The following BMPER variants were observed in gnomAD, a reference collection of about 807,000 sequenced individuals.
BMPER encodes the protein BMP binding endothelial regulator, also known as BMP-binding endothelial regulator protein.
Under a neutral mutation model 87.3 loss-of-function variants are expected in BMPER, and 45 were observed. The observed-to-expected ratio is 0.52, with a 90% CI of 0.41 to 0.66. The LOEUF is 0.66. Ranked by LOEUF, BMPER falls within the 30% of genes least tolerant of loss-of-function variation. The probability of loss-of-function intolerance (pLI) is 0.00; values close to 1 mark genes in which losing one functional copy is unlikely to be tolerated. For missense variants in BMPER, 784 were observed against 867.5 expected (o/e 0.90, Z 1.21); for synonymous variants, 326 against 316.2 (o/e 1.03, Z -0.33).
chr7:33,985,788 A>G (rs1417033553), intron 6 of BMPER, among the ~76,000 whole-genome samples: 1 of 151,618 alleles, frequency 6.6e-6, no homozygotes, highest in Non-Finnish European at 1.5e-5. Flanking sequence ...TTGGGTAGTT[A>G]AAGTATTATT....
chr7:34,051,812 G>C (rs773121657), intron 7 of BMPER, 49 bp from the exon 8 acceptor site: 1 of 1,473,774 alleles, frequency 6.8e-7, no homozygotes. Flanking sequence ...GACAAAATGG[G>C]ACATCCCCGA....
At chr7:34,142,755 T>A (rs1790905958) in intron 13 of BMPER, among the ~76,000 whole-genome samples, 1 of 152,236 alleles carries the variant, frequency 6.6e-6, no homozygotes, top group South Asian at 2.1e-4. Flanking sequence ...GTTACCATTT[T>A]TGGAAACATT....
At chr7:34,002,352 G>A (rs1487541602) in intron 6 of BMPER, among the ~76,000 whole-genome samples, 6 of 151,728 alleles carry the variant, frequency 4.0e-5, no homozygotes, top group African/African-American at 1.4e-4. Flanking sequence ...TAGGCTTTGG[G>A]TTATATGATT....
In BMPER at chr7:34,153,408, A is replaced by ATG; in HGVS notation, c.*136_*137insGT. On this transcript the variant is annotated 3_prime_UTR_variant, in exon 15 of 15. Coordinates refer to ENST00000649409, the MANE Select transcript of BMPER (RefSeq NM_001365308.1). ...ACAGAGTATATATGTGTATATATATATAGATATATTCAAAAACATTGCATC... is the reference window on the plus strand; with the variant it reads ...ACAGAGTATATATGTGTATATATATATGTAGATATATTCAAAAACATTGCATC... 1.2e-6 allele frequency: 1 copy of ATG among 819,132 alleles called. No individual in the cohort carries two copies. Among genetic ancestry groups the ATG allele is most frequent in the Non-Finnish European group, 2.0e-6 (1 of 511,526 alleles). 50.7% of individuals were successfully genotyped at this position (819,132 alleles called of 1,614,324 possible).
At chr7:33,979,552 T>C (rs1785790110) in intron 6 of BMPER, among the ~76,000 whole-genome samples, 2 of 152,130 alleles carry the variant, frequency 1.3e-5, no homozygotes, top group African/African-American at 4.8e-5. Flanking sequence ...TGTAGTACAC[T>C]GAGAAAGAGT....
chr7:34,072,215 A>T (rs1788753597), intron 11 of BMPER, among the ~76,000 whole-genome samples: 1 of 152,238 alleles, frequency 6.6e-6, no homozygotes, highest in Non-Finnish European at 1.5e-5. Flanking sequence ...CTGGCGTGGT[A>T]CTTGGCATAC....
At chr7:34,144,997 C>T (rs1017392330) in intron 14 of BMPER, among the ~76,000 whole-genome samples, 4 of 152,182 alleles carry the variant, frequency 2.6e-5, no homozygotes, top group Non-Finnish European at 4.4e-5. Context: ...ACAGACATTG[C>T]GTTCACTTAG....
At chr7:33,996,619 C>G (rs1786418780) in intron 6 of BMPER, among the ~76,000 whole-genome samples, 1 of 152,136 alleles carries the variant, frequency 6.6e-6, no homozygotes, top group South Asian at 2.1e-4. Flanking sequence ...TACCACCATT[C>G]TAGTAATATT....
At chr7:34,131,807 C>T (rs1790598134) in intron 13 of BMPER, among the ~76,000 whole-genome samples, 1 of 152,092 alleles carries the variant, frequency 6.6e-6, no homozygotes, top group African/African-American at 2.4e-5. Context: ...GGGATGGCAC[C>T]CTAGGGTGAT....
chr7:34,046,918 G>A (rs938831171), intron 7 of BMPER, among the ~76,000 whole-genome samples: 2 of 132,366 alleles, frequency 1.5e-5, no homozygotes, highest in African/African-American at 5.8e-5. Flanking sequence ...CACCATGCTA[G>A]GCACTTTATT....
intron 14 of BMPER, among the ~76,000 whole-genome samples, chr7:34,145,788 C>T (rs1313588830): frequency 1.3e-5 from 2 of 152,068 alleles, no homozygotes; most frequent in African/African-American, 4.8e-5. Flanking sequence ...TCTTCCTGGC[C>T]CAGAGCTATA....
At chr7:33,921,802 C>G (rs1562631380) in intron 2 of BMPER, 1 of 470,924 alleles carries the variant, frequency 2.1e-6, no homozygotes, top group Non-Finnish European at 4.4e-6. Flanking sequence ...ATGGAGCAAT[C>G]TGACACAAAA....
chr7:34,015,254 T>C (rs1177764713), intron 6 of BMPER, among the ~76,000 whole-genome samples: 3 of 151,978 alleles, frequency 2.0e-5, no homozygotes, highest in African/African-American at 7.2e-5. Context: ...TTGGACAAGT[T>C]ACTTAACTGC....
At chr7:34,053,880 A>G (rs1167101320) in intron 8 of BMPER, among the ~76,000 whole-genome samples, 1 of 152,156 alleles carries the variant, frequency 6.6e-6, no homozygotes, top group Non-Finnish European at 1.5e-5. Flanking sequence ...CTCAAGTGTC[A>G]ATTGTAGTTT....
chr7:33,999,219 G>C (rs1414404202), intron 6 of BMPER, among the ~76,000 whole-genome samples: 1 of 152,176 alleles, frequency 6.6e-6, no homozygotes, highest in Non-Finnish European at 1.5e-5. Context: ...CACTTTACCT[G>C]CCTGGGCACT....
intron 6 of BMPER, among the ~76,000 whole-genome samples, chr7:34,010,079 T>C (rs1786838135): frequency 6.6e-6 from 1 of 151,922 alleles, no homozygotes; most frequent in African/African-American, 2.4e-5. Flanking sequence ...CTCATACATC[T>C]TATAAACCAC....
intron 13 of BMPER, among the ~76,000 whole-genome samples, chr7:34,133,980 C>T (rs941257910): frequency 5.3e-5 from 8 of 152,094 alleles, no homozygotes; most frequent in South Asian, 2.1e-4. Flanking sequence ...AAATATGTGA[C>T]GTTCGATGTA....
intron 3 of BMPER, among the ~76,000 whole-genome samples, chr7:33,945,318 T>C (rs1297177453): frequency 6.7e-6 from 1 of 149,772 alleles, no homozygotes; most frequent in Non-Finnish European, 1.5e-5. Context: ...TGGTGCAATC[T>C]TGGCTCACTG....
chr7:34,048,082 G>A (rs111923780), intron 7 of BMPER, among the ~76,000 whole-genome samples: 2 of 151,788 alleles, frequency 1.3e-5, no homozygotes, highest in Non-Finnish European at 1.5e-5. Context: ...CCTCCTGTCC[G>A]TTAATGCCCA....
Sources: allele counts gnomAD v4.1 joint callset (sites outside exome capture counted in the v4.1 genomes callset), GRCh38; gene constraint gnomAD v4.1.1; transcripts MANE v1.5; gene names NCBI Gene and HGNC (gene_info 2026-07-23, HGNC 2026-07-21).